EP300: variants seen among roughly 807,000 people sequenced by gnomAD.
EP300 encodes histone acetyltransferase p300.
Under a neutral mutation model 264.0 loss-of-function variants are expected in EP300, and 31 were observed. That is an observed-to-expected ratio of 0.12 (90% confidence interval 0.09 to 0.16). The LOEUF (loss-of-function observed/expected upper bound fraction) is 0.16, where lower values mean the gene tolerates loss of function less well. Among genes scored for constraint, EP300 ranks in the 10% least tolerant of loss-of-function variants. EP300 has a pLI of 1.00. For missense variants in EP300, 2,766 were observed against 3,052.9 expected (o/e 0.91, Z 2.21); for synonymous variants, 1,340 against 1,045.4 (o/e 1.28, Z -5.44).
rs929348113 is a variant in EP300 at position 41,179,183 on chromosome 22, C to T, written c.*227C>T. ...TTTGTTATGGCTGGTTACCACCAGC[C>T]TTTCTTCCCCTTTGTGTGTGTGGTT... On this transcript the variant is annotated 3_prime_UTR_variant, in exon 31 of 31. Transcript: ENST00000263253. 1.7e-6 allele frequency: 1 copy of T among 574,308 alleles called. No homozygotes were observed. The highest frequency in any genetic ancestry group is 3.1e-5 in the Admixed American group (1 of 32,248). The allele number at this position is 574,308 out of a possible 1,614,324, so 35.6% of individuals were successfully genotyped here.
chr22:41,096,772 C>G (rs865812213), intron 1 of EP300, among the ~76,000 whole-genome samples: 26 of 152,162 alleles, frequency 1.7e-4, no homozygotes, highest in African/African-American at 6.0e-4. Context: ...TGTCCACAAC[C>G]ATGCCCAGCT....
intron 1 of EP300, among the ~76,000 whole-genome samples, chr22:41,111,699 T>C (rs1463336728): frequency 6.6e-6 from 1 of 151,528 alleles, no homozygotes; most frequent in African/African-American, 2.4e-5. Context: ...CACCACCACG[T>C]ACCGCTAATT....
At chr22:41,142,234 AAG>A (rs1366350605) in intron 10 of EP300, among the ~76,000 whole-genome samples, 3 of 152,328 alleles carry the variant, frequency 2.0e-5, no homozygotes, top group Non-Finnish European at 4.4e-5. Context: ...AATGACCTCT[AAG>A]AAGTGCCAAC....
chr22:41,164,458 T>TC (rs955043262), intron 22 of EP300, among the ~76,000 whole-genome samples: 5 of 152,226 alleles, frequency 3.3e-5, no homozygotes, highest in African/African-American at 9.6e-5. Context: ...ACGCCTGTAA[T>TC]CCCAGCACTT....
At chr22:41,171,950 T>C (rs1485850363) in intron 27 of EP300, among the ~76,000 whole-genome samples, 3 of 152,178 alleles carry the variant, frequency 2.0e-5, no homozygotes, top group Admixed American at 6.5e-5. Context: ...ATGTTATTCA[T>C]AAATATAGGT....
At chr22:41,152,062 A>G (rs373520648) in intron 15 of EP300, 50 bp downstream of exon 15, 1 of 1,608,776 alleles carries the variant, frequency 6.2e-7, no homozygotes, top group Non-Finnish European at 8.5e-7. Context: ...TCAGTATAGG[A>G]ACCCAAGTTT....
In EP300 at chr22:41,117,286, A is replaced by C. The variant is rs764734253; in HGVS notation, c.194A>C (p.Gln65Pro). The change falls in exon 2 of 31, where the codon CAG becomes CCG. Residue 65 changes from glutamine (Q) to proline (P), a missense_variant. Physicochemically the swap from Gln to Pro is moderately conservative, Grantham distance 76 (BLOSUM62 -1). Transcript: ENST00000263253. ...LTNGGDINQL[Q>P]TSLGMVQDAA... is the part of the protein sequence containing the mutation. ...AATGGTGGTGATATTAATCAGCTTCAGACAAGTCTTGGCATGGTACAAGAT... is the reference window on the plus strand; with the variant it reads ...AATGGTGGTGATATTAATCAGCTTCCGACAAGTCTTGGCATGGTACAAGAT... 3 of 1,614,216 alleles carry C rather than the reference A, an allele frequency of 1.9e-6. No homozygotes were observed. In the South Asian group the frequency reaches 3.3e-5, roughly 18 times the overall value.
intron 19 of EP300, chr22:41,159,621 C>G (rs2059096829): frequency 6.6e-6 from 1 of 152,210 alleles, no homozygotes; most frequent in African/African-American, 2.4e-5. Flanking sequence ...AAATGTATCA[C>G]TTGATGGCTG....
intron 1 of EP300, among the ~76,000 whole-genome samples, chr22:41,116,147 CT>C (rs35609068): frequency 5.3e-5 from 8 of 151,266 alleles, no homozygotes; most frequent in South Asian, 2.1e-4. Context: ...GGGTGTTGCA[CT>C]TTTTTTTTAA....
At chr22:41,111,876 CTTTTTTTTTTTTTTTTT>C (rs71200661) in intron 1 of EP300, among the ~76,000 whole-genome samples, 38 of 54,710 alleles carry the variant, frequency 6.9e-4, no homozygotes, top group African/African-American at 2.7e-3. Context: ...AACTTGTAAC[CTTTTTTTTTTTTTTTTT>C]TTTTTTTTTT....
chr22:41,173,523 GATT>G (rs1228043953), intron 28 of EP300, 97 bp from the exon 29 acceptor site: 27 of 1,239,038 alleles, frequency 2.2e-5, no homozygotes, highest in Non-Finnish European at 3.1e-5. Context: ...ACAGGCATAA[GATT>G]ATGATATCTA....
intron 19 of EP300, chr22:41,158,774 G>A (rs952778422): frequency 2.3e-6 from 1 of 437,868 alleles, no homozygotes; most frequent in Non-Finnish European, 4.2e-6. Flanking sequence ...TATATCCCAG[G>A]CCCCACTTCT....
At chr22:41,131,683 A>G in intron 6 of EP300, 50 bp downstream of exon 6, 2 of 1,612,260 alleles carry the variant, frequency 1.2e-6, no homozygotes, top group Non-Finnish European at 1.7e-6. Flanking sequence ...TCAGTAAATG[A>G]CATCTATAAA....
chr22:41,147,425 A>C (rs1254513295), intron 11 of EP300, among the ~76,000 whole-genome samples: 1 of 152,100 alleles, frequency 6.6e-6, no homozygotes, highest in Non-Finnish European at 1.5e-5. Context: ...TAGAAGGTTG[A>C]AAGCCAGTTT....
intron 1 of EP300, among the ~76,000 whole-genome samples, chr22:41,096,157 C>G (rs1014996173): frequency 1.3e-5 from 2 of 151,616 alleles, no homozygotes; most frequent in Non-Finnish European, 2.9e-5. Flanking sequence ...TTCTCCCTCT[C>G]CCTCCAAAAA....
In EP300 at chr22:41,173,629, A is replaced by G. The variant is rs374162524; in HGVS notation, c.4624A>G (p.Lys1542Glu). ...CCTTTGTGCTACTCTGCAGGTGACC[A>G]AGGGAGACAGCAAAAATGCTAAAAA... Reference protein sequence around the residue: ...NTSNESTDVTKGDSKNAKKKN... With the variant: ...NTSNESTDVTEGDSKNAKKKN... Residue 1542 changes from lysine (K) to glutamate (E), a missense_variant, in exon 29 of 31, where the codon AAG (lysine) becomes GAG (glutamate). Coordinates refer to ENST00000263253, the MANE Select transcript of EP300 (RefSeq NM_001429.4). The G allele has an allele frequency of 4.6e-5, 74 of 1,614,092 alleles. No individual in the cohort carries two copies. The highest frequency in any genetic ancestry group is 6.2e-5 in the Non-Finnish European group (73 of 1,180,032).
At chr22:41,094,835 C>T (rs1053787690) in intron 1 of EP300, among the ~76,000 whole-genome samples, 4 of 152,058 alleles carry the variant, frequency 2.6e-5, no homozygotes, top group Non-Finnish European at 5.9e-5. Flanking sequence ...TTTGAGTAGT[C>T]CTGATTTGAG....
rs543115512 is a variant in EP300, at chr22:41,145,056, T to TCC, written c.2054-1683_2054-1682insCC. 2.1e-3 allele frequency among the ~76,000 whole-genome samples: 314 copies of TCC among 152,344 alleles called. 1 individual carries two copies. The highest frequency in any genetic ancestry group is 7.2e-3 in the African/African-American group (300 of 41,574). On this transcript the variant is annotated intron_variant, in intron 10 of 30. Coordinates refer to ENST00000263253, the MANE Select transcript of EP300 (RefSeq NM_001429.4). ...TTTTGGGTACTTAAAACAGTTTTAC[T>TCC]TGGTATTAGCTGCTTGGCACTTGCC... is the stretch of plus-strand genomic sequence containing the variant.
chr22:41,151,254 A>G (rs964981421), intron 14 of EP300, among the ~76,000 whole-genome samples: 4 of 152,174 alleles, frequency 2.6e-5, no homozygotes, highest in African/African-American at 9.7e-5. Context: ...ATGAGAGAGG[A>G]ACCAGTGGAT....
Sources: allele counts gnomAD v4.1 joint callset (sites outside exome capture counted in the v4.1 genomes callset), GRCh38; gene constraint gnomAD v4.1.1; transcripts MANE v1.5; gene names NCBI Gene and HGNC (gene_info 2026-07-23, HGNC 2026-07-21).